TMPRSS4: variants seen among roughly 807,000 people sequenced by gnomAD.
TMPRSS4 encodes transmembrane serine protease 4.
In TMPRSS4, 45 loss-of-function variants were observed where a neutral mutation model predicts 56.4. The ratio of observed to expected loss-of-function variants is 0.80; its 90% confidence interval spans 0.63 to 1.02. The LOEUF is 1.02. TMPRSS4 is among the 50% of genes least tolerant of loss of function. The probability of loss-of-function intolerance (pLI) is 0.00; values close to 1 mark genes in which losing one functional copy is unlikely to be tolerated. For missense variants in TMPRSS4, 546 were observed against 556.7 expected, an observed-to-expected ratio of 0.98 and a Z score of 0.19; for synonymous variants, 205 against 211.0, an observed-to-expected ratio of 0.97 and a Z score of 0.25.
At chr11:118,107,992 GA>G (rs1947084599) in intron 6 of TMPRSS4, 117 bp downstream of exon 6, 1 of 762,310 alleles carries the variant, frequency 1.3e-6, no homozygotes. Flanking sequence ...CAGACATCAG[GA>G]AGAACTCCTA....
At chr11:118,106,736 G>A (rs903999378) in intron 5 of TMPRSS4, 6 of 152,096 alleles carry the variant, frequency 3.9e-5, no homozygotes, top group African/African-American at 1.2e-4. Flanking sequence ...CACCCACCTC[G>A]GCCTCCCAAA....
At chr11:118,090,517 C>A (rs1945863739) in intron 1 of TMPRSS4, among the ~76,000 whole-genome samples, 1 of 151,542 alleles carries the variant, frequency 6.6e-6, no homozygotes, top group Non-Finnish European at 1.5e-5. Context: ...TGGCTCACAC[C>A]TGTAATCCCA....
chr11:118,111,808 T>C lies in TMPRSS4; in HGVS notation c.651T>C (p.Pro217=). ...GVEEASVDSW[P]WQVSIQYDKQ... ...AGGAGGCCTCTGTGGATTCTTGGCC[T>C]TGGCAGGTCAGCATCCAGTACGACA... The change falls in exon 8 of 13, where the codon CCT becomes CCC. Residue 217 remains proline, a synonymous_variant. Coordinates refer to ENST00000437212, the MANE Select transcript of TMPRSS4 (RefSeq NM_019894.4). The C allele has an allele frequency of 6.2e-7, 1 of 1,605,338 alleles. No homozygotes were observed. Among genetic ancestry groups the C allele is most frequent in the Non-Finnish European group, 8.5e-7 (1 of 1,176,290 alleles).
intron 5 of TMPRSS4, chr11:118,105,749 A>G (rs1487110487): frequency 6.6e-6 from 1 of 152,194 alleles, no homozygotes; most frequent in Non-Finnish European, 1.5e-5. Flanking sequence ...TCAGGATTCT[A>G]ACAGACTGGA....
rs146769006 is a variant in TMPRSS4 at position 118,086,355 on chromosome 11, G to C, written c.4-8461G>C. On this transcript the variant is annotated intron_variant, in intron 1 of 12. Transcript: ENST00000437212. Reference sequence around the variant, plus strand: ...ATTATGTGCTGAGATGGGGGATGAGGTGCTCGGCTCAAATTGCCAATAGGT... The same window carrying C: ...ATTATGTGCTGAGATGGGGGATGAGCTGCTCGGCTCAAATTGCCAATAGGT... Among the ~76,000 whole-genome samples, 5 of 152,378 alleles carry C rather than the reference G, an allele frequency of 3.3e-5. No homozygotes were observed. The East Asian group carries it at 9.6e-4, about 29-fold the overall frequency.
At chr11:118,096,526 G>C (rs768482668) in intron 2 of TMPRSS4, among the ~76,000 whole-genome samples, 3 of 152,184 alleles carry the variant, frequency 2.0e-5, no homozygotes, top group Non-Finnish European at 4.4e-5. Flanking sequence ...GCTTATGCCA[G>C]TAATCCTAGA....
intron 1 of TMPRSS4, among the ~76,000 whole-genome samples, chr11:118,087,281 G>A (rs531959318): frequency 3.3e-5 from 5 of 152,306 alleles, no homozygotes; most frequent in Admixed American, 1.3e-4. Context: ...TGCCAAGTCA[G>A]CATTGCAGAG....
chr11:118,086,587 TA>T (rs1272833942), intron 1 of TMPRSS4, among the ~76,000 whole-genome samples: 31 of 151,988 alleles, frequency 2.0e-4, no homozygotes, highest in Admixed American at 7.2e-4. Flanking sequence ...AGAGACAGAG[TA>T]ACAGGTGCGA....
chr11:118,117,755 G>A, intron 12 of TMPRSS4, 147 bp from the exon 13 acceptor site: 1 of 1,537,758 alleles, frequency 6.5e-7, no homozygotes, highest in Non-Finnish European at 8.7e-7. Flanking sequence ...GGAAGAGAGT[G>A]GAAAGGCTCA....
chr11:118,113,568 A>C (rs1283173868), intron 9 of TMPRSS4, 133 bp downstream of exon 9: 4 of 995,478 alleles, frequency 4.0e-6, no homozygotes, highest in Non-Finnish European at 5.9e-6. Flanking sequence ...TGTCTCTAAT[A>C]CGTCAGCCTA....
At chr11:118,099,156 C>A in intron 3 of TMPRSS4, 58 bp downstream of exon 3, 1 of 1,417,722 alleles carries the variant, frequency 7.1e-7, no homozygotes, top group Non-Finnish European at 9.9e-7. Flanking sequence ...GGCCCAACCC[C>A]CACCCCCGCA....
chr11:118,116,412 G>A (rs537640896), intron 11 of TMPRSS4, among the ~76,000 whole-genome samples: 11 of 152,224 alleles, frequency 7.2e-5, no homozygotes, highest in African/African-American at 9.6e-5. Context: ...GGGGAAAGGG[G>A]GGCATTAAAC....
In TMPRSS4 at chr11:118,102,160, C is replaced by T. The variant is rs190941554; in HGVS notation, c.158-941C>T. ...TATTTCCTGATGCTCTCCCTCCTCC[C>T]GCCTCCCCCCGACAGGCCCCAGTGT... On this transcript the variant is annotated intron_variant, in intron 3 of 12. Coordinates refer to ENST00000437212, the MANE Select transcript of TMPRSS4 (RefSeq NM_019894.4). 2.7e-3 allele frequency among the ~76,000 whole-genome samples: 404 copies of T among 152,216 alleles called. 3 individuals are homozygous for T. The highest frequency in any genetic ancestry group is 9.3e-3 in the African/African-American group (385 of 41,548).
intron 3 of TMPRSS4, among the ~76,000 whole-genome samples, chr11:118,099,482 A>AG (rs879365216): frequency 1.2e-3 from 2 of 1,624 alleles, no homozygotes; most frequent in Non-Finnish European, 3.2e-3. Flanking sequence ...AAAGAAAGAA[A>AG]AAGAAAGAAA....
chr11:118,107,376 G>A (rs1321178540), intron 5 of TMPRSS4: 1 of 158,402 alleles, frequency 6.3e-6, no homozygotes, highest in Non-Finnish European at 1.4e-5. Flanking sequence ...TCCCAGGTGA[G>A]AAGGGAGCTA....
intron 7 of TMPRSS4, 61 bp downstream of exon 7, chr11:118,108,957 C>A: frequency 6.4e-7 from 1 of 1,566,632 alleles, no homozygotes. Context: ...GGGAGGAAGA[C>A]CTTCATCTTC....
At chr11:118,086,610 T>G (rs1211799093) in intron 1 of TMPRSS4, 2 of 152,754 alleles carry the variant, frequency 1.3e-5, no homozygotes, top group African/African-American at 4.8e-5. Flanking sequence ...CCCAGGATAC[T>G]TGGAAGTCGG....
chr11:118,103,026 C>T, intron 3 of TMPRSS4, 75 bp from the exon 4 acceptor site: 1 of 1,567,816 alleles, frequency 6.4e-7, no homozygotes, highest in Non-Finnish European at 8.7e-7. Flanking sequence ...AGCACTATCG[C>T]CAGGAAAACC....
rs1279673474 is a variant in TMPRSS4 at position 118,120,826 on chromosome 11, G to A, written c.*2913G>A. 2 of 152,192 alleles carry A rather than the reference G, an allele frequency of 1.3e-5. No individual in the cohort carries two copies. The highest frequency in any genetic ancestry group is 2.9e-5 in the Non-Finnish European group (2 of 68,050). The allele number at this position is 152,192 out of a possible 1,614,324, so 9.4% of individuals were successfully genotyped here. On this transcript the variant is annotated 3_prime_UTR_variant, in exon 13 of 13. Coordinates refer to ENST00000437212, the MANE Select transcript of TMPRSS4 (RefSeq NM_019894.4). ...AGACAGTACCAAAGAGATAAGAGCT[G>A]AGAATGTTCCAGAATTGATAAAAGG...
Sources: gnomAD v4.1 joint callset for allele counts (sites outside exome capture counted in the v4.1 genomes callset) on GRCh38, gnomAD v4.1.1 for gene constraint, MANE v1.5 for transcripts, NCBI Gene and HGNC (gene_info 2026-07-23, HGNC 2026-07-21) for gene names.